AGAP1: variants seen among roughly 807,000 people sequenced by gnomAD.
AGAP1 encodes arf-GAP with GTPase, ANK repeat and PH domain-containing protein 1.
Under a neutral mutation model 105.3 loss-of-function variants are expected in AGAP1, and 29 were observed. The observed-to-expected ratio is 0.28, with a 90% CI of 0.21 to 0.38. The LOEUF is 0.38. Among genes scored for constraint, AGAP1 ranks in the 10% least tolerant of loss-of-function variants. The probability of loss-of-function intolerance (pLI) is 1.00; values close to 1 mark genes in which losing one functional copy is unlikely to be tolerated. For synonymous variants in AGAP1, 509 were observed against 485.9 expected (o/e 1.05, Z -0.63); for missense variants, 998 against 1,165.1 (o/e 0.86, Z 2.09).
At chr2:236,084,076 C>T (rs372144847) in intron 16 of AGAP1, among the ~76,000 whole-genome samples, 7 of 152,116 alleles carry the variant, frequency 4.6e-5, no homozygotes, top group African/African-American at 1.7e-4. Context: ...TCTGTTCAGC[C>T]GGGCAGGAAG....
chr2:235,801,571 GAGC>G lies in AGAP1; in HGVS notation c.957+2053_957+2055del, dbSNP rs368103068. ...GCTTCCCAGCTCCGTCTAACACCTG[GAGC>G]AGCCCCTGTCTACCCCCAGGCTGGG... On this transcript the variant is annotated intron_variant, in intron 8 of 17. Transcript: ENST00000304032. This position sits in a 1 kb window ranked among gnomAD's most constrained non-coding sequence, Gnocchi z 6.0. Among the ~76,000 whole-genome samples, 126 of 152,026 alleles carry G rather than the reference GAGC, an allele frequency of 8.3e-4. 2 individuals carry two copies. In the East Asian group the frequency reaches 0.02, roughly 24 times the overall value.
chr2:235,799,584 C>A lies in AGAP1; in HGVS notation c.957+62C>A, dbSNP rs1957398114. 26 of 1,566,374 alleles carry A rather than the reference C, an allele frequency of 1.7e-5. No homozygotes were observed. In the South Asian group the frequency reaches 2.9e-4, roughly 17 times the overall value. On this transcript the variant is annotated intron_variant, in intron 8 of 17. Coordinates refer to ENST00000304032, the MANE Select transcript of AGAP1 (RefSeq NM_001037131.3). This position sits in a 1 kb window ranked among gnomAD's most constrained non-coding sequence, Gnocchi z 5.0. ...TCCGAAGCGTTCCCATTAACGTAAACCTGGTTGCCACATGGTTCAGTGGTA... is the reference window on the plus strand; with the variant it reads ...TCCGAAGCGTTCCCATTAACGTAAAACTGGTTGCCACATGGTTCAGTGGTA...
In AGAP1 at chr2:236,005,124, T is replaced by TG. The variant is rs1164977604; in HGVS notation, c.1646-31437_1646-31436insG. Among the ~76,000 whole-genome samples, 10 of 141,356 alleles carry TG rather than the reference T, an allele frequency of 7.1e-5. No homozygotes were observed. Among genetic ancestry groups the TG allele is most frequent in the East Asian group, 2.0e-4 (1 of 4,946 alleles). The allele number at this position is 141,356 out of a possible 152,430, so 92.7% of individuals were successfully genotyped here. On this transcript the variant is annotated intron_variant, in intron 13 of 17. Coordinates refer to ENST00000304032, the MANE Select transcript of AGAP1 (RefSeq NM_001037131.3). This position sits in a 1 kb window ranked among gnomAD's most constrained non-coding sequence, Gnocchi z 4.1. ...TCCCCCTGACAAGTTTCCCATGTTTTTTGTGTGTGTGTGTGTTTTGGTTTT... is the reference window on the plus strand; with the variant it reads ...TCCCCCTGACAAGTTTCCCATGTTTTGTTGTGTGTGTGTGTGTTTTGGTTTT...
At position 236,077,005 on chromosome 2, in the gene AGAP1, G is replaced by A. The variant is rs1441208332; in HGVS notation, c.2114+27724G>A. On this transcript the variant is annotated intron_variant, in intron 16 of 17. Transcript: ENST00000304032. ...GCATGTCTGTGTCCCAGCTACTCCA[G>A]AGGCTGAGGCGGGAGGATCGCTTGA... Among the ~76,000 whole-genome samples the A allele has an allele frequency of 1.3e-5, 2 of 150,520 alleles. 1 individual carries two copies. The highest frequency in any genetic ancestry group is 3.0e-5 in the Non-Finnish European group (2 of 67,714).
intron 1 of AGAP1, among the ~76,000 whole-genome samples, chr2:235,674,693 C>CTT (rs201019044): frequency 0.028 from 3,769 of 136,238 alleles, 188 homozygotes; most frequent in African/African-American, 0.098. Flanking sequence ...GGGTGATAGA[C>CTT]TTTTTTTTTT....
At position 236,040,370 on chromosome 2, in the gene AGAP1, G is replaced by C. The variant is rs562288280; in HGVS notation, c.1801-381G>C. 4.6e-5 allele frequency among the ~76,000 whole-genome samples: 7 copies of C among 152,116 alleles called. No homozygotes were observed. The East Asian group carries it at 1.4e-3, about 29-fold the overall frequency. On this transcript the variant is annotated intron_variant, in intron 14 of 17. Transcript: ENST00000304032. The surrounding 1 kb of genome is among the most constrained non-coding windows in gnomAD (Gnocchi z 5.6). ...AAGCCCTAACCCTGGGCTTATAAAC[G>C]GATTATTTCTTTCTCATTCTTCTTA...
Position 236,058,359 on chromosome 2 carries a change from C to G in AGAP1, c.2114+9078C>G, listed in dbSNP as rs201718699. ...AGATGTTACAGCCAGAGAGCATCTA[C>G]AAGAGGATTAGACTCTGTGATCAGG... is the stretch of plus-strand genomic sequence containing the variant. On this transcript the variant is annotated intron_variant, in intron 16 of 17. Coordinates refer to ENST00000304032, the MANE Select transcript of AGAP1 (RefSeq NM_001037131.3). The surrounding 1 kb of genome is among the most constrained non-coding windows in gnomAD (Gnocchi z 4.6). Among the ~76,000 whole-genome samples the G allele has an allele frequency of 9.2e-5, 14 of 152,236 alleles. No homozygotes were observed. The East Asian group carries it at 2.7e-3, about 29-fold the overall frequency.
At chr2:235,938,787 AGG>A (rs1015700176) in intron 12 of AGAP1, among the ~76,000 whole-genome samples, 94 of 152,212 alleles carry the variant, frequency 6.2e-4, no homozygotes, top group African/African-American at 2.2e-3. Context: ...AGATGGGGAG[AGG>A]GGCCTGAAAC....
chr2:235,564,636 AG>A (rs1944281759), intron 1 of AGAP1, among the ~76,000 whole-genome samples: 2 of 148,240 alleles, frequency 1.3e-5, no homozygotes, highest in African/African-American at 5.1e-5. Context: ...ACCCAGGGCC[AG>A]GTGTGAGCCT....
chr2:235,531,869 C>T lies in AGAP1; in HGVS notation c.163+37020C>T, dbSNP rs537399844. 6.1e-4 allele frequency among the ~76,000 whole-genome samples: 93 copies of T among 152,168 alleles called. 3 individuals are homozygous for T. In the South Asian group the frequency reaches 0.018, roughly 30 times the overall value. ...TTCGTTGATCCATGTGCCTTGGCCTCCCAAAATGCTGGGATTACAGACGTG... is the reference window on the plus strand; with the variant it reads ...TTCGTTGATCCATGTGCCTTGGCCTTCCAAAATGCTGGGATTACAGACGTG... On this transcript the variant is annotated intron_variant, in intron 1 of 17. Transcript: ENST00000304032.
Position 235,701,280 on chromosome 2 carries a change from G to A in AGAP1, c.164-7899G>A, listed in dbSNP as rs1436803580. Among the ~76,000 whole-genome samples, 1 of 152,062 alleles carries A rather than the reference G, an allele frequency of 6.6e-6. No individual in the cohort carries two copies. Among genetic ancestry groups the A allele is most frequent in the African/African-American group, 2.4e-5 (1 of 41,384 alleles). Reference sequence around the variant, plus strand: ...CTTTTGCCTTGGGATTTCCTTAGAGGAGAAGAGAGAGGACCCAGTCAAATG... The same window carrying A: ...CTTTTGCCTTGGGATTTCCTTAGAGAAGAAGAGAGAGGACCCAGTCAAATG... On this transcript the variant is annotated intron_variant, in intron 1 of 17. Transcript: ENST00000304032. This position sits in a 1 kb window ranked among gnomAD's most constrained non-coding sequence, Gnocchi z 4.1.
rs776832235 is a variant in AGAP1 at position 235,843,927 on chromosome 2, C to T, written c.1050+36596C>T. On this transcript the variant is annotated intron_variant, in intron 9 of 17. Coordinates refer to ENST00000304032, the MANE Select transcript of AGAP1 (RefSeq NM_001037131.3). The surrounding 1 kb of genome is among the most constrained non-coding windows in gnomAD (Gnocchi z 5.9). ...AGCTGGCCGAGAAAGGAGCCTGCTT[C>T]CCAGCATGGCCTCACATTGTCATCA... Among the ~76,000 whole-genome samples, 73 of 152,192 alleles carry T rather than the reference C, an allele frequency of 4.8e-4. No homozygotes were observed. The highest frequency in any genetic ancestry group is 9.8e-4 in the Non-Finnish European group (67 of 68,036).
chr2:235,680,048 A>G (rs908713543), intron 1 of AGAP1, among the ~76,000 whole-genome samples: 1 of 152,258 alleles, frequency 6.6e-6, no homozygotes, highest in Non-Finnish European at 1.5e-5. Flanking sequence ...ACCATTGAAG[A>G]TAATGTTACA....
At chr2:235,974,837 A>G (rs1293946375) in intron 13 of AGAP1, among the ~76,000 whole-genome samples, 1 of 152,248 alleles carries the variant, frequency 6.6e-6, no homozygotes, top group East Asian at 1.9e-4. Context: ...CCACAGGGAA[A>G]GCACTGTGTG....
intron 13 of AGAP1, among the ~76,000 whole-genome samples, chr2:236,011,124 T>A (rs745914067): frequency 1.2e-4 from 18 of 152,204 alleles, no homozygotes; most frequent in Non-Finnish European, 1.6e-4. Context: ...TTCCCAGCAG[T>A]CGGTGGTGAT....
rs894400506 is a variant in AGAP1, at chr2:235,931,876, C to T, written c.1483+953C>T. ...GAGGTAGCTCCACACCATAGCGGTGCGGGTCTGGAAGAGCCTTGTGACTTG... is the reference window on the plus strand; with the variant it reads ...GAGGTAGCTCCACACCATAGCGGTGTGGGTCTGGAAGAGCCTTGTGACTTG... On this transcript the variant is annotated intron_variant, in intron 12 of 17. Coordinates refer to ENST00000304032, the MANE Select transcript of AGAP1 (RefSeq NM_001037131.3). The surrounding 1 kb of genome is among the most constrained non-coding windows in gnomAD (Gnocchi z 5.6). Among the ~76,000 whole-genome samples, 3 of 152,062 alleles carry T rather than the reference C, an allele frequency of 2.0e-5. No individual in the cohort carries two copies. The highest frequency in any genetic ancestry group is 2.1e-4 in the South Asian group (1 of 4,812).
At position 235,712,254 on chromosome 2, in the gene AGAP1, G is replaced by A. The variant is rs771894149; in HGVS notation, c.222+3017G>A. Among the ~76,000 whole-genome samples the A allele has an allele frequency of 1.3e-5, 2 of 152,184 alleles. No homozygotes were observed. Among genetic ancestry groups the A allele is most frequent in the Non-Finnish European group, 2.9e-5 (2 of 68,038 alleles). On this transcript the variant is annotated intron_variant, in intron 2 of 17. Coordinates refer to ENST00000304032, the MANE Select transcript of AGAP1 (RefSeq NM_001037131.3). This position sits in a 1 kb window ranked among gnomAD's most constrained non-coding sequence, Gnocchi z 6.0. ...AGGCTATGCTCAAACTCCTGACCTC[G>A]TCATCCGCCTGCCTTGGCCTCCCAA... is the stretch of plus-strand genomic sequence containing the variant.
Position 235,961,773 on chromosome 2 carries a change from G to A in AGAP1, c.1484-6689G>A, listed in dbSNP as rs2054197550. Among the ~76,000 whole-genome samples, 2 of 152,254 alleles carry A rather than the reference G, an allele frequency of 1.3e-5. No individual in the cohort carries two copies. The highest frequency in any genetic ancestry group is 2.9e-5 in the Non-Finnish European group (2 of 68,052). ...AATACGAAAATTAGCTGGGCGTGGT[G>A]CAGGAGAATCTCTTGAACCCAGGAG... On this transcript the variant is annotated intron_variant, in intron 12 of 17. Coordinates refer to ENST00000304032, the MANE Select transcript of AGAP1 (RefSeq NM_001037131.3). This position sits in a 1 kb window ranked among gnomAD's most constrained non-coding sequence, Gnocchi z 5.9.
At chr2:236,013,556 C>T (rs1369246369) in intron 13 of AGAP1, among the ~76,000 whole-genome samples, 1 of 150,126 alleles carries the variant, frequency 6.7e-6, no homozygotes, top group Non-Finnish European at 1.5e-5. Context: ...GCTTTGCGGG[C>T]TTAAGACCTG....
Sources: gnomAD v4.1 joint callset for allele counts (sites outside exome capture counted in the v4.1 genomes callset) on GRCh38, gnomAD v4.1.1 for gene constraint, Gnocchi (gnomAD v3.1) non-coding constraint, MANE v1.5 for transcripts, NCBI Gene and HGNC (gene_info 2026-07-23, HGNC 2026-07-21) for gene names.